SNX29: variants seen among roughly 807,000 people sequenced by gnomAD.
SNX29 encodes sorting nexin 29, also known as sorting nexin-29.
In SNX29, 78 loss-of-function variants were observed where a neutral mutation model predicts 102.1. The ratio of observed to expected loss-of-function variants is 0.76; its 90% CI spans 0.64 to 0.92. The LOEUF is 0.92. SNX29 is among the 40% of genes least tolerant of loss of function. The probability of loss-of-function intolerance (pLI) is 0.00; values close to 1 mark genes in which losing one functional copy is unlikely to be tolerated. For synonymous variants in SNX29, 580 were observed against 414.5 expected, an observed-to-expected ratio of 1.40 and a Z score of -4.85; for missense variants, 1,280 against 1,061.7, an observed-to-expected ratio of 1.21 and a Z score of -2.86.
chr16:12,535,705 C>G (rs977857019), intron 20 of SNX29, among the ~76,000 whole-genome samples: 2 of 152,138 alleles, frequency 1.3e-5, no homozygotes, highest in African/African-American at 2.4e-5. Context: ...TGTGGGTCCT[C>G]TGTGCCCCTT....
intron 15 of SNX29, among the ~76,000 whole-genome samples, chr16:12,287,252 G>C (rs2079627720): frequency 6.6e-6 from 1 of 152,206 alleles, no homozygotes; most frequent in Admixed American, 6.5e-5. Flanking sequence ...ACCACAGCCT[G>C]CAGGCTCCAC....
chr16:12,144,172 C>T (rs1000883864), intron 13 of SNX29, among the ~76,000 whole-genome samples: 1 of 152,154 alleles, frequency 6.6e-6, no homozygotes, highest in African/African-American at 2.4e-5. Flanking sequence ...CAGCAATGAT[C>T]TGAACGGATA....
At chr16:12,544,471 G>T (rs762580828) in intron 20 of SNX29, among the ~76,000 whole-genome samples, 1 of 152,156 alleles carries the variant, frequency 6.6e-6, no homozygotes, top group Admixed American at 6.5e-5. Context: ...TGAAGAGGCC[G>T]ATTTTATGAT....
At chr16:12,107,338 GTTT>G (rs34594204) in intron 11 of SNX29, among the ~76,000 whole-genome samples, 1 of 137,268 alleles carries the variant, frequency 7.3e-6, no homozygotes, top group Non-Finnish European at 1.6e-5. Flanking sequence ...AGCACTGTGG[GTTT>G]TTTTTTTTTT....
intron 19 of SNX29, among the ~76,000 whole-genome samples, chr16:12,499,166 A>G (rs774030534): frequency 6.6e-6 from 1 of 152,234 alleles, no homozygotes; most frequent in Non-Finnish European, 1.5e-5. Flanking sequence ...GGCATTCTTC[A>G]AACTGGAACA....
chr16:12,026,155 C>A (rs1352084023), intron 3 of SNX29, among the ~76,000 whole-genome samples: 1 of 152,208 alleles, frequency 6.6e-6, no homozygotes, highest in African/African-American at 2.4e-5. Flanking sequence ...GGCCTTTGCA[C>A]TGGGCCTGTC....
chr16:12,483,114 G>GTTTTTTGTTTTTTT (rs2088031350), intron 19 of SNX29, among the ~76,000 whole-genome samples: 1 of 66,196 alleles, frequency 1.5e-5, no homozygotes, highest in African/African-American at 6.1e-5. Flanking sequence ...AAGTTATTAA[G>GTTTTTTGTTTTTTT]TTTTTTTTTT....
At chr16:12,059,319 G>C (rs1256079089) in intron 8 of SNX29, among the ~76,000 whole-genome samples, 2 of 152,174 alleles carry the variant, frequency 1.3e-5, no homozygotes, top group African/African-American at 4.8e-5. Context: ...TGCCGGCTCC[G>C]TGGTCACCAG....
rs575563468 is a variant in SNX29 at position 12,261,564 on chromosome 16, T to C, written c.1679-16369T>C. Among the ~76,000 whole-genome samples, 11 of 126,796 alleles carry C rather than the reference T, an allele frequency of 8.7e-5. No individual in the cohort carries two copies. The South Asian group carries it at 2.9e-3, about 34-fold the overall frequency. 83.2% of individuals were successfully genotyped at this position (126,796 alleles called of 152,430 possible). A position where few individuals can be genotyped will look rare whatever the true frequency, so the allele number is the denominator to read the frequency against. On this transcript the variant is annotated intron_variant, in intron 14 of 20. Coordinates refer to ENST00000566228, the MANE Select transcript of SNX29 (RefSeq NM_032167.5). ...GCTGGAGTAAGTGTTTGCTCTGAGC[T>C]TCGGTCTGTGTGTGCATCCCTGGCT...
intron 15 of SNX29, among the ~76,000 whole-genome samples, chr16:12,294,604 T>A (rs537800584): frequency 6.6e-6 from 1 of 152,286 alleles, no homozygotes; most frequent in East Asian, 1.9e-4. Context: ...TGTTAGCTGG[T>A]CCCGCCTCCC....
intron 16 of SNX29, 32 bp downstream of exon 16, chr16:12,356,311 A>C (rs2082134974): frequency 6.5e-7 from 1 of 1,546,540 alleles, no homozygotes; most frequent in African/African-American, 1.4e-5. Context: ...TGTGTCTGTC[A>C]AGCCTCTGCT....
At chr16:12,473,438 C>G (rs75535496) in intron 18 of SNX29, among the ~76,000 whole-genome samples, 1 of 152,100 alleles carries the variant, frequency 6.6e-6, no homozygotes, top group Non-Finnish European at 1.5e-5. Context: ...TTCAGGGGAA[C>G]GAGGCAAGGG....
chr16:12,129,405 G>T (rs60469527), intron 12 of SNX29, among the ~76,000 whole-genome samples: 3,668 of 152,298 alleles, frequency 0.024, 139 homozygotes, highest in African/African-American at 0.084. Flanking sequence ...GGCAATCAGG[G>T]ACATGGAGCC....
chr16:12,215,083 A>G (rs1034193123), intron 14 of SNX29, among the ~76,000 whole-genome samples: 3 of 152,198 alleles, frequency 2.0e-5, no homozygotes, highest in African/African-American at 7.2e-5. Flanking sequence ...GCACCCAGTA[A>G]TAATAGCCAA....
intron 4 of SNX29, among the ~76,000 whole-genome samples, chr16:12,039,126 A>G (rs901338767): frequency 3.4e-4 from 52 of 152,356 alleles, no homozygotes; most frequent in African/African-American, 1.2e-3. Flanking sequence ...ATGCACACTC[A>G]TACAGATGTA....
At chr16:12,513,903 A>G (rs1049928262) in intron 19 of SNX29, among the ~76,000 whole-genome samples, 1 of 152,162 alleles carries the variant, frequency 6.6e-6, no homozygotes, top group African/African-American at 2.4e-5. Context: ...AAGTGGCAAT[A>G]ACAGGAATTG....
At chr16:12,458,713 C>G (rs149717221) in intron 18 of SNX29, among the ~76,000 whole-genome samples, 1 of 152,128 alleles carries the variant, frequency 6.6e-6, no homozygotes, top group East Asian at 1.9e-4. Flanking sequence ...GCTGTGAGCA[C>G]CAAGGAGGAG....
At chr16:12,549,335 A>C (rs1446027337) in intron 20 of SNX29, among the ~76,000 whole-genome samples, 1 of 152,190 alleles carries the variant, frequency 6.6e-6, no homozygotes, top group African/African-American at 2.4e-5. Context: ...TGTCTACCAA[A>C]AATACAAAAA....
chr16:12,289,176 C>G (rs1178107288), intron 15 of SNX29, among the ~76,000 whole-genome samples: 2 of 152,232 alleles, frequency 1.3e-5, no homozygotes, highest in South Asian at 4.1e-4. Context: ...CCTTGGATGG[C>G]AGGCCCCTTC....
Sources: allele counts gnomAD v4.1 joint callset (sites outside exome capture counted in the v4.1 genomes callset), GRCh38; gene constraint gnomAD v4.1.1; transcripts MANE v1.5; gene names NCBI Gene and HGNC (gene_info 2026-07-23, HGNC 2026-07-21).